Variants in IGF2BP2 observed in about 807,000 individuals in gnomAD.
IGF2BP2 encodes insulin-like growth factor 2 mRNA-binding protein 2.
In IGF2BP2, 17 loss-of-function variants were observed where a neutral mutation model predicts 75.8. That is an observed-to-expected ratio of 0.22 (90% CI 0.15 to 0.34). IGF2BP2 has a LOEUF of 0.34. Among genes scored for constraint, IGF2BP2 ranks in the 10% least tolerant of loss-of-function variants. The pLI is 1.00. For synonymous variants in IGF2BP2, 288 were observed against 295.6 expected (o/e 0.97, Z 0.26); for missense variants, 516 against 772.4 (o/e 0.67, Z 3.93).
intron 5 of IGF2BP2, among the ~76,000 whole-genome samples, chr3:185,691,540 C>A (rs991678286): frequency 6.6e-6 from 1 of 152,188 alleles, no homozygotes; most frequent in Non-Finnish European, 1.5e-5. Context: ...TAAAGCAAGA[C>A]CAAATGTGAC....
intron 2 of IGF2BP2, among the ~76,000 whole-genome samples, chr3:185,699,094 C>A (rs1012723504): frequency 6.6e-6 from 1 of 152,028 alleles, no homozygotes; most frequent in African/African-American, 2.4e-5. Context: ...GGATTACAGG[C>A]GTGAGCCACC....
intron 2 of IGF2BP2, among the ~76,000 whole-genome samples, chr3:185,768,739 T>C (rs1169079888): frequency 1.3e-5 from 2 of 152,212 alleles, no homozygotes; most frequent in South Asian, 2.1e-4. Flanking sequence ...CTTTAAAAGG[T>C]TGAATCTAAG....
At chr3:185,818,140 T>C (rs1740849388) in intron 2 of IGF2BP2, among the ~76,000 whole-genome samples, 1 of 152,214 alleles carries the variant, frequency 6.6e-6, no homozygotes, top group Non-Finnish European at 1.5e-5. Flanking sequence ...AGCACTTGTG[T>C]TATGCAAAAT....
intron 7 of IGF2BP2, among the ~76,000 whole-genome samples, chr3:185,677,068 T>TATAGAGAGAGAGAGAGAGAG: frequency 8.4e-5 from 3 of 35,862 alleles, no homozygotes; most frequent in African/African-American, 1.6e-4. Context: ...TATATATATA[T>TATAGAGAGAGAGAGAGAGAG]AGAGAGAGAG....
chr3:185,658,821 A>G (rs944361138), intron 10 of IGF2BP2, among the ~76,000 whole-genome samples: 1 of 152,222 alleles, frequency 6.6e-6, no homozygotes, highest in Non-Finnish European at 1.5e-5. Flanking sequence ...TCGTAGATGA[A>G]AAAGAACAGA....
intron 2 of IGF2BP2, among the ~76,000 whole-genome samples, chr3:185,815,031 G>T (rs1740422339): frequency 6.6e-6 from 1 of 151,454 alleles, no homozygotes; most frequent in South Asian, 2.1e-4. Context: ...AAAACCTCAA[G>T]TTTTTTTTCA....
chr3:185,745,917 G>T (rs1194718008), intron 2 of IGF2BP2, among the ~76,000 whole-genome samples: 1 of 151,986 alleles, frequency 6.6e-6, no homozygotes, highest in African/African-American at 2.4e-5. Context: ...TGGTTTGGTG[G>T]GTGGTCTGAA....
chr3:185,704,474 C>T (rs911053810), intron 2 of IGF2BP2, among the ~76,000 whole-genome samples: 2 of 152,028 alleles, frequency 1.3e-5, no homozygotes, highest in African/African-American at 2.4e-5. Flanking sequence ...TTTTGAGACA[C>T]GGTCTTGCTC....
In IGF2BP2 at chr3:185,744,037, T is replaced by G. The variant is rs1729921018; in HGVS notation, c.240-45690A>C. On this transcript the variant is annotated intron_variant, in intron 2 of 15. Coordinates refer to ENST00000382199, the MANE Select transcript of IGF2BP2 (RefSeq NM_006548.6). ...TGATACATTTTTTAGTGCAAATCTC[T>G]GTATGACACAAGCAGCCCCAGACTC... is the stretch of plus-strand genomic sequence containing the variant. Among the ~76,000 whole-genome samples, 4 of 152,330 alleles carry G rather than the reference T, an allele frequency of 2.6e-5. No individual in the cohort carries two copies. The South Asian group carries it at 8.3e-4, about 32-fold the overall frequency.
At chr3:185,807,581 A>C (rs1268813003) in intron 2 of IGF2BP2, among the ~76,000 whole-genome samples, 1 of 152,234 alleles carries the variant, frequency 6.6e-6, no homozygotes, top group African/African-American at 2.4e-5. Flanking sequence ...ATTATTAAAA[A>C]CCAAGATGGC....
chr3:185,745,216 C>T (rs1730094560), intron 2 of IGF2BP2, among the ~76,000 whole-genome samples: 1 of 152,146 alleles, frequency 6.6e-6, no homozygotes, highest in Admixed American at 6.5e-5. Flanking sequence ...CATGAACTCT[C>T]TGCAATCCTA....
chr3:185,780,033 C>T (rs113617377), intron 2 of IGF2BP2, among the ~76,000 whole-genome samples: 3,916 of 152,132 alleles, frequency 0.026, 90 homozygotes, highest in South Asian at 0.055. Flanking sequence ...AGACAGTAAA[C>T]GGAGGCTAAA....
At chr3:185,666,845 A>C (rs1256924119) in intron 10 of IGF2BP2, among the ~76,000 whole-genome samples, 1 of 152,200 alleles carries the variant, frequency 6.6e-6, no homozygotes, top group Non-Finnish European at 1.5e-5. Context: ...AAAGGTAATA[A>C]TCAGTCTTTC....
At chr3:185,775,153 C>T (rs189311536) in intron 2 of IGF2BP2, among the ~76,000 whole-genome samples, 2 of 152,220 alleles carry the variant, frequency 1.3e-5, no homozygotes, top group Non-Finnish European at 2.9e-5. Context: ...CAGCACTGAC[C>T]TCATAGGACT....
At chr3:185,779,827 GGA>G (rs1202059997) in intron 2 of IGF2BP2, among the ~76,000 whole-genome samples, 1 of 152,144 alleles carries the variant, frequency 6.6e-6, no homozygotes, top group Non-Finnish European at 1.5e-5. Context: ...ATTTTACTTG[GGA>G]GAGTTATTTG....
Position 185,689,363 on chromosome 3 carries a change from G to C in IGF2BP2, c.669C>G (p.Thr223=). The C allele has an allele frequency of 6.2e-7, 1 of 1,613,064 alleles. No homozygotes were observed. The change falls in exon 6 of 16, where the codon ACC becomes ACG. Residue 223 remains threonine (T), a synonymous_variant. Coordinates refer to ENST00000382199, the MANE Select transcript of IGF2BP2 (RefSeq NM_006548.6). ...GCCCCACAGGCACGTACCGGGACTG[G>C]GTCTGCTTAGTGATGTTCTTTATGG... ...GLTIKNITKQ[T]QSRVDIHRKE... is the part of the protein sequence containing the mutation.
intron 2 of IGF2BP2, among the ~76,000 whole-genome samples, chr3:185,700,116 T>A (rs1723092080): frequency 6.6e-6 from 1 of 152,010 alleles, no homozygotes. Flanking sequence ...TACTAAACAG[T>A]GGCTATACAC....
chr3:185,646,699 C>A (rs1393182516), intron 15 of IGF2BP2, among the ~76,000 whole-genome samples: 1 of 152,144 alleles, frequency 6.6e-6, no homozygotes, highest in East Asian at 1.9e-4. Flanking sequence ...GGACTGAGGC[C>A]TGAGGAGAGA....
At chr3:185,708,927 AC>A (rs752921179) in intron 2 of IGF2BP2, among the ~76,000 whole-genome samples, 4 of 152,148 alleles carry the variant, frequency 2.6e-5, no homozygotes, top group Non-Finnish European at 5.9e-5. Flanking sequence ...CAGAGTAAAA[AC>A]CAAAAGCATT....
Sources: allele counts gnomAD v4.1 joint callset (sites outside exome capture counted in the v4.1 genomes callset), GRCh38; gene constraint gnomAD v4.1.1; transcripts MANE v1.5; gene names NCBI Gene and HGNC (gene_info 2026-07-23, HGNC 2026-07-21).